The following CBL variants were observed in gnomAD, a reference collection of about 807,000 sequenced individuals.
CBL encodes the protein Cbl proto-oncogene.
CBL carries 45 observed loss-of-function variants against 96.9 expected under a neutral mutation model. That is an observed-to-expected ratio of 0.46 (90% CI 0.37 to 0.60). The LOEUF (loss-of-function observed/expected upper bound fraction) is 0.60, where lower values mean the gene tolerates loss of function less well. CBL is among the 20% of genes least tolerant of loss of function. CBL has a pLI of 0.00. For missense variants in CBL, 1,024 were observed against 1,143.5 expected (o/e 0.90, Z 1.51); for synonymous variants, 420 against 426.8 (o/e 0.98, Z 0.20).
Position 119,307,039 on chromosome 11 carries a change from T to TC in CBL, c.*7260dup, listed in dbSNP as rs1230607103. 3.1e-5 allele frequency: 7 copies of TC among 229,362 alleles called. No individual in the cohort carries two copies. Among genetic ancestry groups the TC allele is most frequent in the Non-Finnish European group, 5.2e-5 (6 of 115,438 alleles). The allele number at this position is 229,362 out of a possible 1,614,324, so 14.2% of individuals were successfully genotyped here. On this transcript the variant is annotated 3_prime_UTR_variant, in exon 16 of 16. Transcript: ENST00000264033. Reference sequence around the variant, plus strand: ...AATATGGAAATACCAGAGTCTGAGCTCCTCTACCTTGAGTTTCATTAGTCC... The same window carrying TC: ...AATATGGAAATACCAGAGTCTGAGCTCCCTCTACCTTGAGTTTCATTAGTCC...
At chr11:119,263,303 A>G (rs953021044) in intron 2 of CBL, among the ~76,000 whole-genome samples, 1 of 152,186 alleles carries the variant, frequency 6.6e-6, no homozygotes, top group African/African-American at 2.4e-5. Flanking sequence ...GTAATTGAGA[A>G]GTCATTAAAG....
At chr11:119,250,727 T>G (rs11217215) in intron 2 of CBL, among the ~76,000 whole-genome samples, 54,481 of 151,942 alleles carry the variant, frequency 0.36, 10,770 homozygotes, top group South Asian at 0.61. Context: ...GAGGTGGGTG[T>G]ATTCCTTGAG....
rs2227987 is a variant in CBL at position 119,271,804 on chromosome 11, T to C, written c.513T>C (p.Ser171=). 4,541 of 1,614,036 alleles carry C rather than the reference T, an allele frequency of 2.8e-3. 55 individuals are homozygous for C. Among genetic ancestry groups the C allele is most frequent in the African/African-American group, 0.023 (1,736 of 75,034 alleles). ...MLAELKGIFP[S]GLFQGDTFRI... ...CAGAACTAAAAGGAATCTTTCCAAGTGGACTCTTTCAGGGAGACACATTTC... is the reference window on the plus strand; with the variant it reads ...CAGAACTAAAAGGAATCTTTCCAAGCGGACTCTTTCAGGGAGACACATTTC... The change falls in exon 3 of 16, where the codon AGT becomes AGC. Residue 171 remains serine (S), a synonymous_variant. Coordinates refer to ENST00000264033, the MANE Select transcript of CBL (RefSeq NM_005188.4).
At chr11:119,211,189 A>C (rs1196048835) in intron 1 of CBL, among the ~76,000 whole-genome samples, 2 of 151,998 alleles carry the variant, frequency 1.3e-5, no homozygotes, top group African/African-American at 2.4e-5. Context: ...CTGGCCAAAA[A>C]GGTGAAACCC....
chr11:119,282,117 C>T (rs565705910), intron 9 of CBL, among the ~76,000 whole-genome samples: 1 of 144,950 alleles, frequency 6.9e-6, no homozygotes, highest in African/African-American at 2.9e-5. Context: ...GCGGGCAGAT[C>T]ACCTGAGATC....
intron 1 of CBL, among the ~76,000 whole-genome samples, chr11:119,216,198 C>T (rs1244008649): frequency 6.6e-6 from 1 of 152,208 alleles, no homozygotes; most frequent in African/African-American, 2.4e-5. Context: ...GGCACCTTCT[C>T]ACAACCACCA....
intron 1 of CBL, among the ~76,000 whole-genome samples, chr11:119,207,411 C>T (rs1949279803): frequency 2.0e-5 from 3 of 152,184 alleles, no homozygotes; most frequent in Non-Finnish European, 1.5e-5. Context: ...TACTACATCG[C>T]TTGAGCTGGG....
At chr11:119,210,831 A>T (rs1412190955) in intron 1 of CBL, among the ~76,000 whole-genome samples, 2 of 152,034 alleles carry the variant, frequency 1.3e-5, no homozygotes, top group Non-Finnish European at 2.9e-5. Context: ...GGGAGGTTTC[A>T]GGGCCACTGT....
At position 119,299,622 on chromosome 11, in the gene CBL, A is replaced by T. The variant is rs986341794; in HGVS notation, c.2562A>T (p.Ser854=). The change falls in exon 16 of 16, where the codon TCA becomes TCT. Residue 854 remains serine (S), a synonymous_variant. Coordinates refer to ENST00000264033, the MANE Select transcript of CBL (RefSeq NM_005188.4). ...CTGCCGCCTCTGCTGCCACCGCCTC[A>T]CCTCAGCTCTCCAGTGAGATCGAGA... ...SGPAASAATA[S]PQLSSEIENL... 1 of 1,614,160 alleles carries T rather than the reference A, an allele frequency of 6.2e-7. No individual in the cohort carries two copies. The highest frequency in any genetic ancestry group is 8.5e-7 in the Non-Finnish European group (1 of 1,180,010).
At chr11:119,224,915 G>C (rs1395732150) in intron 1 of CBL, among the ~76,000 whole-genome samples, 2 of 151,864 alleles carry the variant, frequency 1.3e-5, no homozygotes, top group South Asian at 2.1e-4. Flanking sequence ...AGGCACACTT[G>C]GTATAACTTT....
Position 119,238,675 on chromosome 11 carries a change from C to CA in CBL, c.443+5986dup, listed in dbSNP as rs1201760744. 2.0e-5 allele frequency among the ~76,000 whole-genome samples: 3 copies of CA among 151,958 alleles called. No individual in the cohort carries two copies. In the East Asian group the frequency reaches 5.9e-4, roughly 30 times the overall value. The stretch of plus-strand genomic sequence containing the variant: ...TGAAATCCCGTCTCTACTAAAAATA[C>CA]AAAAAATTAGCCAGGTGTGCTGGCG... On this transcript the variant is annotated intron_variant, in intron 2 of 15. Coordinates refer to ENST00000264033, the MANE Select transcript of CBL (RefSeq NM_005188.4).
At chr11:119,206,642 C>T (rs1342295678) in intron 1 of CBL, 30 bp downstream of exon 1, 1 of 1,539,600 alleles carries the variant, frequency 6.5e-7, no homozygotes, top group Admixed American at 2.0e-5. Flanking sequence ...CCCGCTGTTG[C>T]AGGGTGGGCG....
chr11:119,244,251 G>C (rs899079555), intron 2 of CBL, among the ~76,000 whole-genome samples: 1 of 152,106 alleles, frequency 6.6e-6, no homozygotes, highest in African/African-American at 2.4e-5. Context: ...TTAGTTCTCA[G>C]CATCATCCTG....
chr11:119,222,835 A>G (rs76928939), intron 1 of CBL, among the ~76,000 whole-genome samples: 2,949 of 152,258 alleles, frequency 0.019, 48 homozygotes, highest in Non-Finnish European at 0.03. Flanking sequence ...GGTTATACAT[A>G]ATAAGGACTT....
At chr11:119,217,295 A>G (rs1029525543) in intron 1 of CBL, among the ~76,000 whole-genome samples, 2 of 152,098 alleles carry the variant, frequency 1.3e-5, no homozygotes, top group South Asian at 4.1e-4. Flanking sequence ...TTGTATTTTT[A>G]GTAGACGGGG....
At chr11:119,248,333 A>G (rs1316155226) in intron 2 of CBL, among the ~76,000 whole-genome samples, 1 of 152,216 alleles carries the variant, frequency 6.6e-6, no homozygotes, top group African/African-American at 2.4e-5. Flanking sequence ...CATATGGTCA[A>G]TCGATACTTT....
In CBL at chr11:119,269,849, T is replaced by G. The variant is rs566954888; in HGVS notation, c.444-1886T>G. On this transcript the variant is annotated intron_variant, in intron 2 of 15. Coordinates refer to ENST00000264033, the MANE Select transcript of CBL (RefSeq NM_005188.4). ...TCTCTGCTAAAAATAACAAAAAAAT[T>G]AGCTGGGCATGGTGGCGGGCGCCTG... Among the ~76,000 whole-genome samples the G allele has an allele frequency of 5.9e-5, 9 of 151,982 alleles. No individual in the cohort carries two copies. The East Asian group carries it at 1.8e-3, about 30-fold the overall frequency.
intron 12 of CBL, among the ~76,000 whole-genome samples, chr11:119,292,653 AC>A (rs1407594466): frequency 6.6e-6 from 1 of 151,918 alleles, no homozygotes; most frequent in African/African-American, 2.4e-5. Flanking sequence ...CAATCTCCTG[AC>A]CGTGATCTGC....
chr11:119,298,657 T>G, intron 15 of CBL, 117 bp downstream of exon 15: 1 of 908,236 alleles, frequency 1.1e-6, no homozygotes, highest in Non-Finnish European at 1.8e-6. Flanking sequence ...CTAAACATTA[T>G]GTCTAAATGG....
Sources: allele counts gnomAD v4.1 joint callset (sites outside exome capture counted in the v4.1 genomes callset), GRCh38; gene constraint gnomAD v4.1.1; transcripts MANE v1.5; gene names NCBI Gene and HGNC (gene_info 2026-07-23, HGNC 2026-07-21).